Variants in XXYLT1 observed in about 807,000 individuals in gnomAD.
XXYLT1 encodes the protein xyloside xylosyltransferase 1.
Under a neutral mutation model 28.9 loss-of-function variants are expected in XXYLT1, and 20 were observed. That is an observed-to-expected ratio of 0.69 (90% CI 0.49 to 1.00). XXYLT1 has a LOEUF of 1.00. Among genes scored for constraint, XXYLT1 ranks in the 50% least tolerant of loss-of-function variants. The pLI, the probability that XXYLT1 is intolerant of heterozygous loss-of-function variation, is 0.00. For missense variants in XXYLT1, 542 were observed against 560.1 expected (o/e 0.97, Z 0.33); for synonymous variants, 257 against 253.8 (o/e 1.01, Z -0.12).
chr3:195,121,060 C>T (rs1226150170), intron 3 of XXYLT1, among the ~76,000 whole-genome samples: 3 of 152,224 alleles, frequency 2.0e-5, no homozygotes, highest in Admixed American at 2.0e-4. Flanking sequence ...CCTGCTGCTG[C>T]CTCCTCCGTG....
At chr3:195,097,833 C>T (rs113645177) in intron 3 of XXYLT1, among the ~76,000 whole-genome samples, 2 of 151,934 alleles carry the variant, frequency 1.3e-5, no homozygotes, top group African/African-American at 4.8e-5. Flanking sequence ...CCACCACGCA[C>T]ACACAAAGAA....
chr3:195,086,980 G>A (rs1425608562), intron 3 of XXYLT1, among the ~76,000 whole-genome samples: 1 of 152,170 alleles, frequency 6.6e-6, no homozygotes, highest in East Asian at 1.9e-4. Context: ...ACCACAAGGA[G>A]GGAGAGTGGC....
chr3:195,164,921 C>A (rs576961286), intron 2 of XXYLT1, among the ~76,000 whole-genome samples: 1 of 151,904 alleles, frequency 6.6e-6, no homozygotes, highest in African/African-American at 2.4e-5. Flanking sequence ...AGTGACTAAG[C>A]GGGTTTCTTG....
chr3:195,180,646 C>A lies in XXYLT1; in HGVS notation c.653-24065G>T, dbSNP rs1721905028. 5.8e-6 allele frequency: 4 copies of A among 690,436 alleles called. No homozygotes were observed. In the South Asian group the frequency reaches 2.6e-4, roughly 45 times the overall value. The allele number at this position is 690,436 out of a possible 1,614,324, so 42.8% of individuals were successfully genotyped here. The stretch of plus-strand genomic sequence containing the variant: ...CACCAGACGGCGGTGGCTGGAGCAC[C>A]CCGTGCCACTGCAAACGTGACCAGG... On this transcript the variant is annotated intron_variant, in intron 2 of 3. Transcript: ENST00000310380. The surrounding 1 kb of genome is among the most constrained non-coding windows in gnomAD (Gnocchi z 5.8).
At chr3:195,102,355 T>C (rs895085617) in intron 3 of XXYLT1, among the ~76,000 whole-genome samples, 1 of 152,162 alleles carries the variant, frequency 6.6e-6, no homozygotes, top group Non-Finnish European at 1.5e-5. Flanking sequence ...ATAGCCCTCA[T>C]GTCACACATG....
intron 3 of XXYLT1, among the ~76,000 whole-genome samples, chr3:195,109,849 T>G (rs1717409321): frequency 2.4e-5 from 1 of 41,686 alleles, no homozygotes; most frequent in Non-Finnish European, 5.4e-5. Context: ...GTGTGGTGTA[T>G]GTGTGCCTGT....
intron 1 of XXYLT1, among the ~76,000 whole-genome samples, chr3:195,232,109 T>C (rs1011628287): frequency 1.3e-5 from 2 of 152,284 alleles, no homozygotes; most frequent in Non-Finnish European, 2.9e-5. Context: ...GATTCTATCT[T>C]AGTAGGTTGT....
intron 3 of XXYLT1, among the ~76,000 whole-genome samples, chr3:195,085,275 C>T (rs1204848680): frequency 1.3e-5 from 2 of 152,206 alleles, no homozygotes; most frequent in Non-Finnish European, 2.9e-5. Context: ...ACACCCCTTC[C>T]GACCTCTCCA....
chr3:195,224,563 T>C (rs1253347009), intron 2 of XXYLT1, among the ~76,000 whole-genome samples: 1 of 152,206 alleles, frequency 6.6e-6, no homozygotes. Context: ...AATTTTCTCT[T>C]CCCTGACAAA....
intron 3 of XXYLT1, among the ~76,000 whole-genome samples, chr3:195,138,872 A>AG (rs1719334092): frequency 6.6e-6 from 1 of 151,532 alleles, no homozygotes; most frequent in African/African-American, 2.4e-5. Flanking sequence ...AAAAAAAAAA[A>AG]AAAAAGAAAG....
At chr3:195,110,450 A>AGT (rs1491343824) in intron 3 of XXYLT1, among the ~76,000 whole-genome samples, 2 of 90,614 alleles carry the variant, frequency 2.2e-5, no homozygotes, top group South Asian at 8.3e-4. Context: ...TGTGGTGTAA[A>AGT]GTGTGTGTGG....
At chr3:195,074,833 C>T (rs1715025502) in intron 3 of XXYLT1, among the ~76,000 whole-genome samples, 1 of 152,212 alleles carries the variant, frequency 6.6e-6, no homozygotes, top group African/African-American at 2.4e-5. Flanking sequence ...CACCACGGAG[C>T]TCTAAGTACC....
intron 3 of XXYLT1, 21 bp downstream of exon 3, chr3:195,156,428 C>A (rs775974886): frequency 2.5e-6 from 4 of 1,610,450 alleles, no homozygotes; most frequent in East Asian, 2.2e-5. Context: ...TGGAGGCGGC[C>A]CCCCTGCAGT....
intron 2 of XXYLT1, among the ~76,000 whole-genome samples, chr3:195,200,987 T>G (rs1002014305): frequency 2.0e-5 from 3 of 152,184 alleles, no homozygotes; most frequent in African/African-American, 7.2e-5. Flanking sequence ...AATAACCCTG[T>G]CCCAGCCCAA....
intron 2 of XXYLT1, among the ~76,000 whole-genome samples, chr3:195,179,432 C>G (rs1721838940): frequency 6.6e-6 from 1 of 151,552 alleles, no homozygotes; most frequent in Non-Finnish European, 1.5e-5. Context: ...AATTCAACAA[C>G]TCCCTTAACT....
chr3:195,082,110 T>C (rs1334695572), intron 3 of XXYLT1, among the ~76,000 whole-genome samples: 1 of 152,248 alleles, frequency 6.6e-6, no homozygotes, highest in Non-Finnish European at 1.5e-5. Flanking sequence ...AACTCACTTC[T>C]ATGTATTGAC....
chr3:195,238,636 G>A (rs1724653397), intron 1 of XXYLT1, among the ~76,000 whole-genome samples: 1 of 152,180 alleles, frequency 6.6e-6, no homozygotes, highest in African/African-American at 2.4e-5. Context: ...CATGCTTCCT[G>A]TGGTGTCTGT....
intron 1 of XXYLT1, among the ~76,000 whole-genome samples, chr3:195,263,470 G>A (rs1028585210): frequency 6.6e-6 from 1 of 152,076 alleles, no homozygotes; most frequent in Non-Finnish European, 1.5e-5. Flanking sequence ...GGGAGGGAGC[G>A]AGTTCTCACT....
At chr3:195,164,896 G>A (rs747604442) in intron 2 of XXYLT1, among the ~76,000 whole-genome samples, 11 of 152,060 alleles carry the variant, frequency 7.2e-5, no homozygotes, top group African/African-American at 2.4e-5. Context: ...TGCAATGATG[G>A]AGTCCGTTAT....
Sources: gnomAD v4.1 joint callset for allele counts (sites outside exome capture counted in the v4.1 genomes callset) on GRCh38, gnomAD v4.1.1 for gene constraint, Gnocchi (gnomAD v3.1) non-coding constraint, MANE v1.5 for transcripts, NCBI Gene and HGNC (gene_info 2026-07-23, HGNC 2026-07-21) for gene names.